SYTL1: variants seen among roughly 807,000 people sequenced by gnomAD.
SYTL1 encodes synaptotagmin-like protein 1.
In SYTL1, 53 loss-of-function variants were observed where a neutral mutation model predicts 74.6. The ratio of observed to expected loss-of-function variants is 0.71; its 90% CI spans 0.57 to 0.89. The LOEUF (loss-of-function observed/expected upper bound fraction) is 0.89, where lower values mean the gene tolerates loss of function less well. Ranked by LOEUF, SYTL1 falls within the 40% of genes least tolerant of loss-of-function variation. SYTL1 has a pLI of 0.00. For synonymous variants in SYTL1, 329 were observed against 324.9 expected, an observed-to-expected ratio of 1.01 and a Z score of -0.14; for missense variants, 728 against 768.7, an observed-to-expected ratio of 0.95 and a Z score of 0.63.
Position 27,353,492 on chromosome 1 carries a change from A to G in SYTL1, c.1549+4A>G, listed in dbSNP as rs1321846965. ...ACACGCCTCAGCCTGGGCACCGGTA[A>G]GTGGGACAGCACCCTGAGACAGGCC... is the stretch of plus-strand genomic sequence containing the variant. On this transcript the variant is annotated splice_donor_region_variant and intron_variant, in intron 14 of 14. Coordinates refer to ENST00000616558, the MANE Select transcript of SYTL1 (RefSeq NM_001193308.2). 1.3e-6 allele frequency: 2 copies of G among 1,593,370 alleles called. No homozygotes were observed. Among genetic ancestry groups the G allele is most frequent in the Non-Finnish European group, 1.7e-6 (2 of 1,170,458 alleles).
chr1:27,347,816 G>A lies in SYTL1; in HGVS notation c.349G>A (p.Ala117Thr). 6.2e-7 allele frequency: 1 copy of A among 1,613,526 alleles called. No individual in the cohort carries two copies. The highest frequency in any genetic ancestry group is 8.5e-7 in the Non-Finnish European group (1 of 1,179,728). Reference protein sequence around the residue: ...RRKKSTRGDQAPGHDREAEAA... With the variant: ...RRKKSTRGDQTPGHDREAEAA... ...TTCTCACCTGCGCCCAGGAGACCAG[G>A]CTCCAGGCCACGACAGGGAGGCTGA... The change falls in exon 4 of 15, where the codon GCT becomes ACT. Residue 117 changes from alanine to threonine, a missense_variant. Coordinates refer to ENST00000616558, the MANE Select transcript of SYTL1 (RefSeq NM_001193308.2). This position sits in a 1 kb window ranked among gnomAD's most constrained non-coding sequence, Gnocchi z 4.9.
In SYTL1 at chr1:27,350,990, G is replaced by A; in HGVS notation, c.1164+38G>A. 3.1e-6 allele frequency: 5 copies of A among 1,608,134 alleles called. No individual in the cohort carries two copies. The highest frequency in any genetic ancestry group is 4.2e-6 in the Non-Finnish European group (5 of 1,177,462). ...GGCCGCGTGGGGAGACCTGCGGCCC[G>A]GGTCTCCTGCATTTACCCCACCAGG... On this transcript the variant is annotated intron_variant, in intron 11 of 14. Transcript: ENST00000616558. This position sits in a 1 kb window ranked among gnomAD's most constrained non-coding sequence, Gnocchi z 6.3.
chr1:27,350,470 C>T lies in SYTL1; in HGVS notation c.990C>T (p.Phe330=), dbSNP rs1457574649. ...AGAAACGGAATCTGAATCCGGTTTT[C>T]AACGAGACTCTCCGGGTGAGGCTGT... ...AVKKRNLNPV[F]NETLRYSVPQ... is the part of the protein sequence containing the mutation. The change falls in exon 10 of 15, where the codon TTC becomes TTT. Residue 330 remains phenylalanine (F), a synonymous_variant. Coordinates refer to ENST00000616558, the MANE Select transcript of SYTL1 (RefSeq NM_001193308.2). This position sits in a 1 kb window ranked among gnomAD's most constrained non-coding sequence, Gnocchi z 6.3. 6.2e-7 allele frequency: 1 copy of T among 1,613,276 alleles called. No homozygotes were observed. Among genetic ancestry groups the T allele is most frequent in the East Asian group, 2.2e-5 (1 of 44,874 alleles).
rs765565072 is a variant in SYTL1 at position 27,349,125 on chromosome 1, C to A, written c.505C>A (p.Pro169Thr). 13 of 1,614,084 alleles carry A rather than the reference C, an allele frequency of 8.1e-6. No homozygotes were observed. In the East Asian group the frequency reaches 1.1e-4, roughly 14 times the overall value. ...TTCTGTCCCCCTAAAGGCTTCAGAT[C>A]CTGAGGAGGCGTCCCAGGCCCAGGA... ...SPSVPLKASDPEEASQAQEDP... is the reference protein window; with the variant it reads ...SPSVPLKASDTEEASQAQEDP... The change falls in exon 6 of 15, where the codon CCT becomes ACT. Residue 169 changes from proline to threonine, a missense_variant. Physicochemically the swap from Pro to Thr is conservative, Grantham distance 38. Coordinates refer to ENST00000616558, the MANE Select transcript of SYTL1 (RefSeq NM_001193308.2).
Position 27,345,194 on chromosome 1 carries a change from C to A in SYTL1, c.-38-103C>A, listed in dbSNP as rs1266579343. On this transcript the variant is annotated intron_variant, in intron 1 of 14. Transcript: ENST00000616558. This position sits in a 1 kb window ranked among gnomAD's most constrained non-coding sequence, Gnocchi z 6.0. ...GAGCTCAGCCATCCTGGGGTGGCAC[C>A]CTACCCATACCCGGCCAAGTGTTTG... 7 of 619,168 alleles carry A rather than the reference C, an allele frequency of 1.1e-5. No homozygotes were observed. Among genetic ancestry groups the A allele is most frequent in the Non-Finnish European group, 1.9e-5 (7 of 377,774 alleles). The allele number at this position is 619,168 out of a possible 1,614,324, so 38.4% of individuals were successfully genotyped here.
chr1:27,348,891 C>G lies in SYTL1; in HGVS notation c.460-189C>G, dbSNP rs754203388. The stretch of plus-strand genomic sequence containing the variant: ...AGTAGGGAGTCAGGCGGCACAAGCC[C>G]TGCGGGGTGGGCTGTGAAGCACTGG... On this transcript the variant is annotated intron_variant, in intron 5 of 14. Coordinates refer to ENST00000616558, the MANE Select transcript of SYTL1 (RefSeq NM_001193308.2). The surrounding 1 kb of genome is among the most constrained non-coding windows in gnomAD (Gnocchi z 4.1). 7.2e-5 allele frequency among the ~76,000 whole-genome samples: 11 copies of G among 152,184 alleles called. No homozygotes were observed. Among genetic ancestry groups the G allele is most frequent in the Non-Finnish European group, 1.6e-4 (11 of 68,038 alleles).
chr1:27,347,889 G>A lies in SYTL1; in HGVS notation c.413+9G>A, dbSNP rs777885753. ...GAGGGGCCAGAGCCCAGGTGAGGAGGAGTCTCAGGAAGGGGGAGATGGTGC... is the reference window on the plus strand; with the variant it reads ...GAGGGGCCAGAGCCCAGGTGAGGAGAAGTCTCAGGAAGGGGGAGATGGTGC... On this transcript the variant is annotated intron_variant, in intron 4 of 14. Coordinates refer to ENST00000616558, the MANE Select transcript of SYTL1 (RefSeq NM_001193308.2). The surrounding 1 kb of genome is among the most constrained non-coding windows in gnomAD (Gnocchi z 4.9). 5 of 1,614,036 alleles carry A rather than the reference G, an allele frequency of 3.1e-6. No homozygotes were observed. The highest frequency in any genetic ancestry group is 1.3e-5 in the African/African-American group (1 of 74,936).
Position 27,342,370 on chromosome 1 carries a change from A to G in SYTL1, c.-39+220A>G. The G allele has an allele frequency of 1.0e-6, 1 of 982,900 alleles. No individual in the cohort carries two copies. Among genetic ancestry groups the G allele is most frequent in the South Asian group, 4.7e-5 (1 of 21,252 alleles). 60.9% of individuals were successfully genotyped at this position (982,900 alleles called of 1,614,324 possible). The stretch of plus-strand genomic sequence containing the variant: ...GACCAAACTCCTACCTAACTCTGGT[A>G]GGAGATTCTGCCTCTGGTTGGTAGG... On this transcript the variant is annotated intron_variant, in intron 1 of 14. Coordinates refer to ENST00000616558, the MANE Select transcript of SYTL1 (RefSeq NM_001193308.2). This position sits in a 1 kb window ranked among gnomAD's most constrained non-coding sequence, Gnocchi z 4.7.
chr1:27,353,250 G>A (rs374325342), intron 13 of SYTL1, 33 bp from the exon 14 acceptor site: 1 of 1,555,896 alleles, frequency 6.4e-7, no homozygotes, highest in Admixed American at 1.9e-5. Flanking sequence ...AGTGTGAGGG[G>A]GGTCACCTGA....
At position 27,350,345 on chromosome 1, in the gene SYTL1, G is replaced by GCT; in HGVS notation, c.909-41_909-40dup. 1.3e-6 allele frequency: 2 copies of GCT among 1,572,782 alleles called. No individual in the cohort carries two copies. The highest frequency in any genetic ancestry group is 1.8e-6 in the Non-Finnish European group (2 of 1,142,424). ...GGGGAGCCCACAGGCAGGGGAGAAG[G>GCT]CTCTGGGAGGGCCCCTCCTCACCTC... On this transcript the variant is annotated intron_variant, in intron 9 of 14. Transcript: ENST00000616558. This position sits in a 1 kb window ranked among gnomAD's most constrained non-coding sequence, Gnocchi z 6.3.
chr1:27,345,337 GC>G lies in SYTL1; in HGVS notation c.7del (p.Gln3ArgfsTer35). On this transcript the variant is annotated frameshift_variant, in exon 2 of 15. Coordinates refer to ENST00000616558, the MANE Select transcript of SYTL1 (RefSeq NM_001193308.2). LOFTEE classifies it high-confidence loss of function. The surrounding 1 kb of genome is among the most constrained non-coding windows in gnomAD (Gnocchi z 6.0). ...CAGCTGGGGCACAGCCCCAGCTGAT[GC>G]CCCAGAGGGGCCACCCATCGCAAGA... M[P>X]QRGHPSQEGL... 2.0e-6 allele frequency: 3 copies of G among 1,508,400 alleles called. No individual in the cohort carries two copies. The highest frequency in any genetic ancestry group is 2.7e-6 in the Non-Finnish European group (3 of 1,128,826). 93.4% of individuals were successfully genotyped at this position (1,508,400 alleles called of 1,614,324 possible). A position where few individuals can be genotyped will look rare whatever the true frequency, so the allele number is the denominator to read the frequency against.
chr1:27,350,512 C>T lies in SYTL1; in HGVS notation c.1005+27C>T. 2 of 1,578,404 alleles carry T rather than the reference C, an allele frequency of 1.3e-6. No homozygotes were observed. Among genetic ancestry groups the T allele is most frequent in the South Asian group, 2.2e-5 (2 of 90,262 alleles). ...TGAGGCTGTGACCACGATGCGGTTC[C>T]CCGTTAATGAACTGGACGCCCCCTT... is the stretch of plus-strand genomic sequence containing the variant. On this transcript the variant is annotated intron_variant, in intron 10 of 14. Transcript: ENST00000616558. The surrounding 1 kb of genome is among the most constrained non-coding windows in gnomAD (Gnocchi z 6.3).
rs1171915464 is a variant in SYTL1 at position 27,345,487 on chromosome 1, AGATGCCCGCCTGCGCCAGCTGGAG to A, written c.156_179del (p.Asp52_Glu59del). ...AGGCCATTGCTGGCGTCCTCCAACGAGATGCCCGCCTGCGCCAGCTGGAGGAGGGGCGGGTCAGGTAAGGCAGGG... is the reference window on the plus strand; with the variant it reads ...AGGCCATTGCTGGCGTCCTCCAACGAGAGGGGCGGGTCAGGTAAGGCAGGG... On this transcript the variant is annotated inframe_deletion, in exon 2 of 15. Coordinates refer to ENST00000616558, the MANE Select transcript of SYTL1 (RefSeq NM_001193308.2). This position sits in a 1 kb window ranked among gnomAD's most constrained non-coding sequence, Gnocchi z 6.0. 1 of 1,559,082 alleles carries A rather than the reference AGATGCCCGCCTGCGCCAGCTGGAG, an allele frequency of 6.4e-7. No homozygotes were observed. Among genetic ancestry groups the A allele is most frequent in the East Asian group, 2.4e-5 (1 of 42,416 alleles).
chr1:27,350,540 T>C lies in SYTL1; in HGVS notation c.1005+55T>C. On this transcript the variant is annotated intron_variant, in intron 10 of 14. Coordinates refer to ENST00000616558, the MANE Select transcript of SYTL1 (RefSeq NM_001193308.2). The surrounding 1 kb of genome is among the most constrained non-coding windows in gnomAD (Gnocchi z 6.3). ...GTTAATGAACTGGACGCCCCCTTCC[T>C]GCGGGGCTAGGTGGCAAGGGCAGCC... The C allele has an allele frequency of 1.4e-6, 2 of 1,460,632 alleles. No homozygotes were observed. Among genetic ancestry groups the C allele is most frequent in the Non-Finnish European group, 1.9e-6 (2 of 1,054,768 alleles). 90.5% of individuals were successfully genotyped at this position (1,460,632 alleles called of 1,614,324 possible).
Position 27,350,420 on chromosome 1 carries a change from C to A in SYTL1, c.940C>A (p.Gln314Lys), listed in dbSNP as rs1289657484. Reference protein sequence around the residue: ...YVKSYLLPDKQSKRKTAVKKR... With the variant: ...YVKSYLLPDKKSKRKTAVKKR... ...CAAAAGCTACCTCCTCCCGGATAAG[C>A]AGAGCAAGCGCAAGACGGCGGTGAA... The change falls in exon 10 of 15, where the codon CAG becomes AAG. Residue 314 changes from glutamine (Q) to lysine (K), a missense_variant. Coordinates refer to ENST00000616558, the MANE Select transcript of SYTL1 (RefSeq NM_001193308.2). The surrounding 1 kb of genome is among the most constrained non-coding windows in gnomAD (Gnocchi z 6.3). 6.2e-7 allele frequency: 1 copy of A among 1,614,142 alleles called. No individual in the cohort carries two copies. The highest frequency in any genetic ancestry group is 8.5e-7 in the Non-Finnish European group (1 of 1,179,998).
rs1396517433 is a variant in SYTL1, at chr1:27,347,933, C to T, written c.414-34C>T. 3 of 1,613,922 alleles carry T rather than the reference C, an allele frequency of 1.9e-6. No individual in the cohort carries two copies. Among genetic ancestry groups the T allele is most frequent in the Admixed American group, 1.7e-5 (1 of 60,002 alleles). ...ATGGTGCCCACCAGTCACCAGGGTC[C>T]CTCCCTCTGAGAGCGTCCTCTCCCT... On this transcript the variant is annotated intron_variant, in intron 4 of 14. Transcript: ENST00000616558. This position sits in a 1 kb window ranked among gnomAD's most constrained non-coding sequence, Gnocchi z 4.9.
chr1:27,350,234 G>A lies in SYTL1; in HGVS notation c.908+102G>A. The A allele has an allele frequency of 6.7e-7, 1 of 1,485,892 alleles. No individual in the cohort carries two copies. The highest frequency in any genetic ancestry group is 9.2e-7 in the Non-Finnish European group (1 of 1,085,002). The allele number at this position is 1,485,892 out of a possible 1,614,324, so 92.0% of individuals were successfully genotyped here. A position where few individuals can be genotyped will look rare whatever the true frequency, so the allele number is the denominator to read the frequency against. On this transcript the variant is annotated intron_variant, in intron 9 of 14. Coordinates refer to ENST00000616558, the MANE Select transcript of SYTL1 (RefSeq NM_001193308.2). The surrounding 1 kb of genome is among the most constrained non-coding windows in gnomAD (Gnocchi z 6.3). ...CCTCATCTTCAAAATGGGAACAACA[G>A]CGTTATTGGGAGGCGTGCGATTAAG...
chr1:27,347,075 T>C lies in SYTL1; in HGVS notation c.192-346T>C, dbSNP rs142427350. On this transcript the variant is annotated intron_variant, in intron 2 of 14. Transcript: ENST00000616558. The surrounding 1 kb of genome is among the most constrained non-coding windows in gnomAD (Gnocchi z 4.9). ...AGGTGAAGGTTGCAGTGAGCTGAGA[T>C]TGCGCCACAGCACTCCAGCCTGGGC... 0.013 allele frequency among the ~76,000 whole-genome samples: 1,981 copies of C among 152,316 alleles called. 21 individuals are homozygous for C. The highest frequency in any genetic ancestry group is 0.025 in the East Asian group (128 of 5,184).
rs2015063813 is a variant in SYTL1, at chr1:27,347,745, C to T, written c.341-63C>T. ...GGTGGGTGGGTATCTCCCAGGGCCTCTCCCGAGTCACAGCCAGGCTTCCTG... is the reference window on the plus strand; with the variant it reads ...GGTGGGTGGGTATCTCCCAGGGCCTTTCCCGAGTCACAGCCAGGCTTCCTG... On this transcript the variant is annotated intron_variant, in intron 3 of 14. Transcript: ENST00000616558. The surrounding 1 kb of genome is among the most constrained non-coding windows in gnomAD (Gnocchi z 4.9). 3.2e-6 allele frequency: 5 copies of T among 1,571,026 alleles called. No individual in the cohort carries two copies. Among genetic ancestry groups the T allele is most frequent in the Admixed American group, 1.8e-5 (1 of 56,816 alleles).
Sources: allele counts gnomAD v4.1 joint callset (sites outside exome capture counted in the v4.1 genomes callset), GRCh38; gene constraint gnomAD v4.1.1; non-coding constraint Gnocchi (gnomAD v3.1); transcripts MANE v1.5; gene names NCBI Gene and HGNC (gene_info 2026-07-23, HGNC 2026-07-21).